The following FSTL4 variants were observed in gnomAD, a reference collection of about 807,000 sequenced individuals.
FSTL4 encodes follistatin like 4, also known as follistatin-related protein 4.
Under a neutral mutation model 78.2 loss-of-function variants are expected in FSTL4, and 28 were observed. The ratio of observed to expected loss-of-function variants is 0.36; its 90% CI spans 0.27 to 0.49. The LOEUF is 0.49. FSTL4 is among the 20% of genes least tolerant of loss of function. The pLI is 0.98. For missense variants in FSTL4, 922 were observed against 1,084.9 expected (o/e 0.85, Z 2.11); for synonymous variants, 422 against 440.5 (o/e 0.96, Z 0.53).
the FSTL4 span, among the ~76,000 whole-genome samples, chr5:133,625,724 CATATATATAT>C: frequency 1.8e-3 from 106 of 58,792 alleles, 3 homozygotes; most frequent in African/African-American, 2.9e-3. Context: ...GAGACAGTTC[CATATATATAT>C]ATATATATAT....
chr5:133,690,068 C>CACAA, the FSTL4 span, among the ~76,000 whole-genome samples: 63,507 of 149,686 alleles, frequency 0.42, 14,225 homozygotes, highest in African/African-American at 0.57. Flanking sequence ...TTTCAAAACA[C>CACAA]ACAAACAAAC....
At chr5:133,821,115 G>A in the FSTL4 span, among the ~76,000 whole-genome samples, 1 of 152,200 alleles carries the variant, frequency 6.6e-6, no homozygotes, top group Non-Finnish European at 1.5e-5. Flanking sequence ...CCACAAGGAG[G>A]TAAGGAAAGA....
the FSTL4 span, among the ~76,000 whole-genome samples, chr5:133,714,048 G>A: frequency 6.6e-6 from 1 of 152,088 alleles, no homozygotes; most frequent in African/African-American, 2.4e-5. Context: ...ACAGACCCTT[G>A]TCCACTGACC....
the FSTL4 span, among the ~76,000 whole-genome samples, chr5:133,643,580 G>A: frequency 1.3e-5 from 2 of 152,090 alleles, no homozygotes; most frequent in Non-Finnish European, 2.9e-5. Flanking sequence ...ACACTATCAC[G>A]GTGGTCCTCT....
the FSTL4 span, among the ~76,000 whole-genome samples, chr5:133,665,333 G>C: frequency 6.6e-6 from 1 of 152,126 alleles, no homozygotes. Flanking sequence ...GAATCAATTC[G>C]GTCCTCTTCC....
the FSTL4 span, among the ~76,000 whole-genome samples, chr5:133,663,841 C>T: frequency 1.3e-5 from 2 of 152,168 alleles, no homozygotes; most frequent in Non-Finnish European, 1.5e-5. Flanking sequence ...CTTGAACAAG[C>T]CAGGGAGGCC....
At chr5:133,570,300 A>G (rs1442904280) in intron 2 of FSTL4, among the ~76,000 whole-genome samples, 1 of 152,130 alleles carries the variant, frequency 6.6e-6, no homozygotes. Flanking sequence ...AATAATTTAA[A>G]TAAAAATAGG....
chr5:133,534,145 A>G (rs186649319), intron 3 of FSTL4, among the ~76,000 whole-genome samples: 1 of 151,874 alleles, frequency 6.6e-6, no homozygotes, highest in African/African-American at 2.4e-5. Flanking sequence ...GGTTGTATTA[A>G]AAAAAACCTG....
At chr5:133,787,905 G>A in the FSTL4 span, among the ~76,000 whole-genome samples, 1 of 152,204 alleles carries the variant, frequency 6.6e-6, no homozygotes, top group African/African-American at 2.4e-5. Flanking sequence ...ATATCCCTTA[G>A]ACCAAACATT....
the FSTL4 span, among the ~76,000 whole-genome samples, chr5:133,643,521 C>T: frequency 6.6e-6 from 1 of 152,026 alleles, no homozygotes; most frequent in Non-Finnish European, 1.5e-5. Context: ...GCCTGCCACG[C>T]CACCACTCTA....
chr5:133,638,103 AGTTATCCTTGG>A, the FSTL4 span, among the ~76,000 whole-genome samples: 6 of 152,036 alleles, frequency 3.9e-5, no homozygotes, highest in Non-Finnish European at 2.9e-5. Context: ...AAAGCCTTGG[AGTTATCCTTGG>A]CTCTTCTCTT....
intron 2 of FSTL4, among the ~76,000 whole-genome samples, chr5:133,580,811 G>C (rs892805405): frequency 2.6e-5 from 4 of 152,188 alleles, no homozygotes; most frequent in African/African-American, 9.7e-5. Flanking sequence ...AAGCAGCGGA[G>C]GTCCTAGGGA....
chr5:133,567,285 T>A (rs1760046475), intron 2 of FSTL4, 66 bp from the exon 3 acceptor site: 1 of 1,122,376 alleles, frequency 8.9e-7, no homozygotes, highest in South Asian at 1.2e-5. Context: ...CTTGCAAATA[T>A]CTCCTCTCTT....
chr5:133,596,378 T>C (rs375804635), intron 2 of FSTL4, among the ~76,000 whole-genome samples: 3 of 152,372 alleles, frequency 2.0e-5, no homozygotes, highest in Admixed American at 6.5e-5. Context: ...ACAGACTCAC[T>C]GGTGGTCTCA....
At chr5:133,743,045 C>G in the FSTL4 span, among the ~76,000 whole-genome samples, 7 of 152,190 alleles carry the variant, frequency 4.6e-5, no homozygotes, top group Non-Finnish European at 1.0e-4. Flanking sequence ...AAGAGCCTAT[C>G]AAAGCAATCA....
intron 6 of FSTL4, chr5:133,312,433 C>T (rs1363812114): frequency 3.5e-6 from 2 of 566,720 alleles, no homozygotes; most frequent in Non-Finnish European, 6.2e-6. Flanking sequence ...CGAGAAAAAT[C>T]TTTATTAAAA....
At chr5:133,575,548 A>C (rs924730399) in intron 2 of FSTL4, among the ~76,000 whole-genome samples, 2 of 152,234 alleles carry the variant, frequency 1.3e-5, no homozygotes, top group African/African-American at 4.8e-5. Flanking sequence ...AAGAGCTAAG[A>C]GAGGGAGACG....
At chr5:133,220,088 G>A (rs780268231) in intron 12 of FSTL4, among the ~76,000 whole-genome samples, 16 of 152,358 alleles carry the variant, frequency 1.1e-4, no homozygotes, top group East Asian at 9.6e-4. Flanking sequence ...CTCCAAGCCC[G>A]TAACTATTCA....
chr5:133,786,878 T>C, the FSTL4 span, among the ~76,000 whole-genome samples: 1 of 152,208 alleles, frequency 6.6e-6, no homozygotes, highest in African/African-American at 2.4e-5. Context: ...TGATTCTCAC[T>C]CATGAGGTGG....
Sources: gnomAD v4.1 joint callset for allele counts (sites outside exome capture counted in the v4.1 genomes callset) on GRCh38, gnomAD v4.1.1 for gene constraint, MANE v1.5 for transcripts, NCBI Gene and HGNC (gene_info 2026-07-23, HGNC 2026-07-21) for gene names.